The following ERBB4 variants were observed in gnomAD, a reference collection of about 807,000 sequenced individuals.
ERBB4 encodes the protein erb-b2 receptor tyrosine kinase 4.
A neutral mutation model predicts 158.0 loss-of-function variants in ERBB4; 42 were observed. The ratio of observed to expected loss-of-function variants is 0.27; its 90% CI spans 0.21 to 0.34. The LOEUF is 0.34. Among genes scored for constraint, ERBB4 ranks in the 10% least tolerant of loss-of-function variants. The pLI, the probability that ERBB4 is intolerant of heterozygous loss-of-function variation, is 1.00. For missense variants in ERBB4, 1,333 were observed against 1,624.1 expected (o/e 0.82, Z 3.08); for synonymous variants, 583 against 558.7 (o/e 1.04, Z -0.61).
intron 1 of ERBB4, among the ~76,000 whole-genome samples, chr2:212,140,737 G>C (rs1417070213): frequency 6.6e-6 from 1 of 150,816 alleles, no homozygotes; most frequent in Non-Finnish European, 1.5e-5. Context: ...AAGTAAAAAA[G>C]AATATATTCC....
chr2:211,405,879 T>C (rs929123755), intron 25 of ERBB4, among the ~76,000 whole-genome samples: 3 of 152,122 alleles, frequency 2.0e-5, no homozygotes, highest in Non-Finnish European at 2.9e-5. Flanking sequence ...TACTCCTCTG[T>C]TTTCATGTAT....
chr2:212,133,407 G>T (rs72939832), intron 1 of ERBB4, among the ~76,000 whole-genome samples: 2,014 of 60,702 alleles, frequency 0.033, 58 homozygotes, highest in African/African-American at 0.066. Flanking sequence ...TTTTTTTTTT[G>T]TTTTGTTTTG....
intron 2 of ERBB4, among the ~76,000 whole-genome samples, chr2:211,994,207 T>A (rs528669043): frequency 9.2e-5 from 14 of 152,250 alleles, no homozygotes; most frequent in Non-Finnish European, 1.6e-4. Context: ...CATGGTTCAC[T>A]GCAGCCTCAA....
chr2:211,886,714 G>A (rs1049641356), intron 3 of ERBB4, among the ~76,000 whole-genome samples: 14 of 152,144 alleles, frequency 9.2e-5, no homozygotes, highest in Non-Finnish European at 1.9e-4. Flanking sequence ...GCCATTAATC[G>A]TAAATTGAAG....
At chr2:212,523,913 G>A (rs1240967772) in intron 1 of ERBB4, among the ~76,000 whole-genome samples, 1 of 151,974 alleles carries the variant, frequency 6.6e-6, no homozygotes, top group African/African-American at 2.4e-5. Flanking sequence ...AGCTCCAGGA[G>A]AAACTCCTTG....
rs371332400 is a variant in ERBB4 at position 211,635,269 on chromosome 2, T to C, written c.1947-4675A>G. ...TATGAAACTGATATCCTCCCACTAC[T>C]GAAGAAACTAATCTCACAGGGATTC... On this transcript the variant is annotated intron_variant, in intron 16 of 27. Coordinates refer to ENST00000342788, the MANE Select transcript of ERBB4 (RefSeq NM_005235.3). Among the ~76,000 whole-genome samples, 5 of 152,322 alleles carry C rather than the reference T, an allele frequency of 3.3e-5. No homozygotes were observed. In the South Asian group the frequency reaches 6.2e-4, roughly 19 times the overall value.
In ERBB4 at chr2:212,398,226, T is replaced by C. The variant is rs1157427595; in HGVS notation, c.82+140223A>G. Among the ~76,000 whole-genome samples, 3 of 152,124 alleles carry C rather than the reference T, an allele frequency of 2.0e-5. No homozygotes were observed. In the East Asian group the frequency reaches 5.8e-4, roughly 29 times the overall value. ...GGCAGTAAAGCTATATAGTAAAATA[T>C]TCATTATCTCTGGGTAATGGGGTTA... is the stretch of plus-strand genomic sequence containing the variant. On this transcript the variant is annotated intron_variant, in intron 1 of 27. Coordinates refer to ENST00000342788, the MANE Select transcript of ERBB4 (RefSeq NM_005235.3).
Position 211,513,377 on chromosome 2 carries a change from CAA to C in ERBB4, c.2487+48524_2487+48525del, listed in dbSNP as rs1167274491. ...CGTCTCAAAAAAAAAAAAAAAAAAA[CAA>C]AAAAAAAACACTGATCCTAGAAGAG... On this transcript the variant is annotated intron_variant, in intron 20 of 27. Coordinates refer to ENST00000342788, the MANE Select transcript of ERBB4 (RefSeq NM_005235.3). Among the ~76,000 whole-genome samples, 15 of 55,802 alleles carry C rather than the reference CAA, an allele frequency of 2.7e-4. No individual in the cohort carries two copies. The East Asian group carries it at 7.1e-3, about 26-fold the overall frequency. The allele number at this position is 55,802 out of a possible 152,430, so 36.6% of individuals were successfully genotyped here. A position where few individuals can be genotyped will look rare whatever the true frequency, so the allele number is the denominator to read the frequency against.
At chr2:212,489,391 C>T (rs1215152635) in intron 1 of ERBB4, among the ~76,000 whole-genome samples, 1 of 151,898 alleles carries the variant, frequency 6.6e-6, no homozygotes, top group African/African-American at 2.4e-5. Flanking sequence ...CCAAGAGAAC[C>T]CTACTAACCA....
At chr2:212,351,159 C>A (rs946525977) in intron 1 of ERBB4, among the ~76,000 whole-genome samples, 1 of 152,094 alleles carries the variant, frequency 6.6e-6, no homozygotes, top group Admixed American at 6.6e-5. Context: ...GGGTCCTAAT[C>A]AAACCTGACA....
chr2:211,827,399 T>A (rs1412084218), intron 3 of ERBB4, among the ~76,000 whole-genome samples: 1 of 152,100 alleles, frequency 6.6e-6, no homozygotes, highest in Non-Finnish European at 1.5e-5. Context: ...AAATTGCCAT[T>A]CATCATTATT....
At chr2:211,762,637 G>A (rs898359742) in intron 4 of ERBB4, among the ~76,000 whole-genome samples, 4 of 152,172 alleles carry the variant, frequency 2.6e-5, no homozygotes, top group African/African-American at 9.7e-5. Flanking sequence ...ATGCTAATGG[G>A]TCCCTGAGGA....
intron 1 of ERBB4, among the ~76,000 whole-genome samples, chr2:212,334,164 G>A (rs2106302656): frequency 6.6e-6 from 1 of 152,068 alleles, no homozygotes; most frequent in Admixed American, 6.6e-5. Flanking sequence ...GTTAGCTAGA[G>A]TCAAATTCTA....
At chr2:212,157,023 T>C (rs2081054175) in intron 1 of ERBB4, among the ~76,000 whole-genome samples, 2 of 152,130 alleles carry the variant, frequency 1.3e-5, no homozygotes, top group African/African-American at 4.8e-5. Flanking sequence ...ATTTATTAAA[T>C]GCATGTCTTG....
At chr2:211,428,363 T>C (rs781406676) in intron 22 of ERBB4, 45 bp downstream of exon 22, 1 of 1,012,770 alleles carries the variant, frequency 9.9e-7, no homozygotes, top group Non-Finnish European at 1.6e-6. Context: ...TTAACATATG[T>C]ATTTTTGCTT....
intron 3 of ERBB4, among the ~76,000 whole-genome samples, chr2:211,812,784 A>G (rs1267933468): frequency 6.6e-6 from 1 of 152,158 alleles, no homozygotes; most frequent in African/African-American, 2.4e-5. Flanking sequence ...CTGCAGTCTC[A>G]CAGGTCAATC....
At chr2:212,032,206 A>C (rs1157406321) in intron 2 of ERBB4, among the ~76,000 whole-genome samples, 2 of 152,064 alleles carry the variant, frequency 1.3e-5, no homozygotes, top group South Asian at 4.1e-4. Flanking sequence ...AGTTACAGCT[A>C]TTTAAAGTAA....
intron 3 of ERBB4, among the ~76,000 whole-genome samples, chr2:211,825,894 TAA>T (rs941163446): frequency 8.1e-5 from 12 of 147,698 alleles, no homozygotes; most frequent in African/African-American, 2.7e-4. Flanking sequence ...TTATATTATA[TAA>T]TATATATAGG....
In ERBB4 at chr2:211,679,046, C is replaced by G. The variant is rs754695940; in HGVS notation, c.1622+6G>C. 6.2e-6 allele frequency: 10 copies of G among 1,606,168 alleles called. No homozygotes were observed. Among genetic ancestry groups the G allele is most frequent in the Middle Eastern group, 1.7e-4 (1 of 6,026 alleles). ...GAGGTGAAGGCAACCCTAGAAGAAG[C>G]CTTACCCATCATAGAGGTTACAAGA... On this transcript the variant is annotated splice_donor_region_variant and intron_variant, in intron 13 of 27. Transcript: ENST00000342788.
Sources: gnomAD v4.1 joint callset for allele counts (sites outside exome capture counted in the v4.1 genomes callset) on GRCh38, gnomAD v4.1.1 for gene constraint, MANE v1.5 for transcripts, NCBI Gene and HGNC (gene_info 2026-07-23, HGNC 2026-07-21) for gene names.